GALK2: variants seen among roughly 807,000 people sequenced by gnomAD.
GALK2 encodes N-acetylgalactosamine kinase.
GALK2 carries 36 observed loss-of-function variants against 52.4 expected under a neutral mutation model. The observed-to-expected ratio is 0.69, with a 90% CI of 0.53 to 0.91. GALK2 has a LOEUF of 0.91. GALK2 is among the 40% of genes least tolerant of loss of function. GALK2 has a pLI of 0.00. For missense variants in GALK2, 579 were observed against 559.1 expected, an observed-to-expected ratio of 1.04 and a Z score of -0.36; for synonymous variants, 176 against 199.1, an observed-to-expected ratio of 0.88 and a Z score of 0.98.
At chr15:49,297,795 T>A (rs2034612936) in intron 8 of GALK2, among the ~76,000 whole-genome samples, 2 of 152,036 alleles carry the variant, frequency 1.3e-5, no homozygotes, top group Admixed American at 1.3e-4. Context: ...TATGTGTCTG[T>A]TGTTTTATGC....
intron 5 of GALK2, among the ~76,000 whole-genome samples, chr15:49,267,507 A>G (rs1006533557): frequency 2.0e-5 from 3 of 152,174 alleles, no homozygotes; most frequent in Non-Finnish European, 4.4e-5. Flanking sequence ...TCTCAGTCCA[A>G]TGGGGAATAC....
chr15:49,184,358 G>C (rs554245028), intron 1 of GALK2, among the ~76,000 whole-genome samples: 2 of 151,798 alleles, frequency 1.3e-5, no homozygotes, highest in East Asian at 3.9e-4. Context: ...CAGTCTATGT[G>C]TGTCTTTAGA....
intron 1 of GALK2, among the ~76,000 whole-genome samples, chr15:49,185,072 C>T (rs1359914232): frequency 6.6e-6 from 1 of 152,020 alleles, no homozygotes; most frequent in African/African-American, 2.4e-5. Flanking sequence ...GGCCTGTATC[C>T]TGTCATTCAG....
downstream of GALK2, among the ~76,000 whole-genome samples, chr15:49,333,059 A>C (rs2039078612): frequency 6.6e-6 from 1 of 152,162 alleles, no homozygotes; most frequent in Admixed American, 6.5e-5. Flanking sequence ...TGAACTGCAC[A>C]GTATCCTTAG....
intron 5 of GALK2, among the ~76,000 whole-genome samples, chr15:49,242,006 C>T (rs1595801394): frequency 6.6e-6 from 1 of 151,604 alleles, no homozygotes; most frequent in African/African-American, 2.4e-5. Flanking sequence ...AAGGACTGAG[C>T]ATAATTATTT....
At chr15:49,174,197 A>G (rs562523048) in intron 1 of GALK2, among the ~76,000 whole-genome samples, 3 of 152,296 alleles carry the variant, frequency 2.0e-5, no homozygotes, top group Non-Finnish European at 4.4e-5. Context: ...ATGTATATAT[A>G]TTCTCTGAGC....
intron 8 of GALK2, among the ~76,000 whole-genome samples, chr15:49,298,453 T>C (rs2034676044): frequency 6.6e-6 from 1 of 152,120 alleles, no homozygotes; most frequent in African/African-American, 2.4e-5. Context: ...TCCAATACTA[T>C]GTTGAATAGG....
intron 1 of GALK2, among the ~76,000 whole-genome samples, chr15:49,197,160 A>G (rs2087307263): frequency 6.6e-6 from 1 of 152,228 alleles, no homozygotes; most frequent in African/African-American, 2.4e-5. Flanking sequence ...TACAATTTTG[A>G]TCAGGATTAC....
intron 1 of GALK2, among the ~76,000 whole-genome samples, chr15:49,159,401 C>G (rs1023365327): frequency 2.0e-5 from 3 of 151,826 alleles, no homozygotes; most frequent in African/African-American, 7.3e-5. Flanking sequence ...CATGGCAAAA[C>G]CCTGTCTCTG....
chr15:49,243,061 A>C (rs1229404311), intron 5 of GALK2, among the ~76,000 whole-genome samples: 1 of 152,192 alleles, frequency 6.6e-6, no homozygotes, highest in Non-Finnish European at 1.5e-5. Context: ...GGAGTTGCAG[A>C]TGGAAAGGCA....
At chr15:49,168,046 T>C (rs1595859953), upstream of GALK2, among the ~76,000 whole-genome samples, 1 of 152,368 alleles carries the variant, frequency 6.6e-6, no homozygotes, top group South Asian at 2.1e-4. Flanking sequence ...GCCTCTAGGC[T>C]AGGAGTCTAG....
At chr15:49,277,094 C>G (rs1595928948) in intron 5 of GALK2, among the ~76,000 whole-genome samples, 1 of 142,136 alleles carries the variant, frequency 7.0e-6, no homozygotes, top group African/African-American at 2.6e-5. Context: ...CTGCCTCAGC[C>G]ACTCGAGTAG....
chr15:49,342,894 G>A (rs2040947257), intron 3 of GALK2, among the ~76,000 whole-genome samples: 2 of 152,154 alleles, frequency 1.3e-5, no homozygotes, highest in African/African-American at 4.8e-5. Context: ...TGAGAAGTCT[G>A]CTGTAGCCTG....
chr15:49,258,829 TGAGAGAGAGA>T (rs1200292800), intron 5 of GALK2, among the ~76,000 whole-genome samples: 1 of 124,048 alleles, frequency 8.1e-6, no homozygotes, highest in African/African-American at 3.2e-5. Context: ...TGTGTGTGTG[TGAGAGAGAGA>T]GAGAGAGAGA....
intron 1 of GALK2, chr15:49,194,941 C>T (rs2087082997): frequency 3.0e-6 from 1 of 331,600 alleles, no homozygotes; most frequent in South Asian, 2.3e-5. Flanking sequence ...TGTCTATCTC[C>T]ATAAGAAAAG....
chr15:49,249,569 G>C (rs930982655), intron 5 of GALK2, among the ~76,000 whole-genome samples: 2 of 152,158 alleles, frequency 1.3e-5, no homozygotes, highest in Admixed American at 1.3e-4. Flanking sequence ...TAAATTAGTA[G>C]TCAGGGAAGT....
Position 49,235,846 on chromosome 15 carries a change from C to A in GALK2, c.267-5C>A. On this transcript the variant is annotated splice_region_variant and splice_polypyrimidine_tract_variant and intron_variant, in intron 3 of 9. Transcript: ENST00000560031. ...TTAAATTAATGGTGTCTTTTGTCTT[C>A]GCAGGGACTTCAGTACTAGTGCTAA... is the stretch of plus-strand genomic sequence containing the variant. The A allele has an allele frequency of 6.2e-7, 1 of 1,600,948 alleles. No homozygotes were observed. The highest frequency in any genetic ancestry group is 8.6e-7 in the Non-Finnish European group (1 of 1,169,106).
intron 2 of GALK2, among the ~76,000 whole-genome samples, chr15:49,208,900 T>C (rs570348861): frequency 6.6e-6 from 1 of 152,364 alleles, no homozygotes; most frequent in East Asian, 1.9e-4. Context: ...TTTTTACCAT[T>C]GTATAATATC....
At chr15:49,171,076 CTTTTTCTTTTTT>C (rs940435749) in intron 1 of GALK2, among the ~76,000 whole-genome samples, 17 of 140,842 alleles carry the variant, frequency 1.2e-4, no homozygotes, top group Admixed American at 3.5e-4. Flanking sequence ...TTTTCTTTTT[CTTTTTCTTTTTT>C]TTTTTTTTTT....
Sources: allele counts gnomAD v4.1 joint callset (sites outside exome capture counted in the v4.1 genomes callset), GRCh38; gene constraint gnomAD v4.1.1; transcripts MANE v1.5; gene names NCBI Gene and HGNC (gene_info 2026-07-23, HGNC 2026-07-21).